Variants in TMED3 observed in about 807,000 individuals in gnomAD.
The protein encoded by TMED3 is transmembrane p24 trafficking protein 3.
TMED3 carries 9 observed loss-of-function variants against 15.0 expected under a neutral mutation model. That is an observed-to-expected ratio of 0.60 (90% CI 0.36 to 1.04). The LOEUF (loss-of-function observed/expected upper bound fraction) is 1.04, where lower values mean the gene tolerates loss of function less well. Ranked by LOEUF, TMED3 falls within the 50% of genes least tolerant of loss-of-function variation. The pLI is 0.01. For synonymous variants in TMED3, 117 were observed against 121.4 expected, an observed-to-expected ratio of 0.96 and a Z score of 0.24; for missense variants, 267 against 278.9, an observed-to-expected ratio of 0.96 and a Z score of 0.30.
intron 2 of TMED3, among the ~76,000 whole-genome samples, chr15:79,394,080 A>G (rs1893733046): frequency 6.6e-6 from 1 of 152,128 alleles, no homozygotes; most frequent in South Asian, 2.1e-4. Context: ...AATTCACACC[A>G]AAATGTATAT....
At chr15:79,410,143 G>A (rs1017204081) in intron 2 of TMED3, among the ~76,000 whole-genome samples, 5 of 152,052 alleles carry the variant, frequency 3.3e-5, no homozygotes, top group Non-Finnish European at 7.4e-5. Context: ...GGCCTGGGAG[G>A]TTTATATATT....
intron 1 of TMED3, 71 bp downstream of exon 1, chr15:79,311,488 C>T: frequency 6.6e-7 from 1 of 1,505,044 alleles, no homozygotes; most frequent in Non-Finnish European, 8.9e-7. Context: ...CTGGCTAGCC[C>T]CTGACTGGAG....
chr15:79,315,024 C>T (rs994030257), intron 2 of TMED3, among the ~76,000 whole-genome samples: 17 of 152,176 alleles, frequency 1.1e-4, no homozygotes, highest in Non-Finnish European at 2.4e-4. Flanking sequence ...GAATAACCAT[C>T]GATAGCAGCA....
chr15:79,322,873 A>G (rs1038810349), downstream of TMED3: 5 of 985,376 alleles, frequency 5.1e-6, no homozygotes, highest in African/African-American at 8.7e-5. Flanking sequence ...CTTTGCCCTA[A>G]AGGACTCCAG....
At chr15:79,346,850 C>T (rs1159887468) in intron 2 of TMED3, among the ~76,000 whole-genome samples, 1 of 152,040 alleles carries the variant, frequency 6.6e-6, no homozygotes, top group African/African-American at 2.4e-5. Context: ...TTACTTGAAA[C>T]ATCATCAATA....
intron 2 of TMED3, among the ~76,000 whole-genome samples, chr15:79,341,595 A>G (rs1476381560): frequency 2.0e-5 from 3 of 152,218 alleles, no homozygotes; most frequent in Admixed American, 1.3e-4. Flanking sequence ...GTTGCTGAAC[A>G]GCTGCCAAGC....
At chr15:79,391,636 G>C (rs1595909357) in intron 2 of TMED3, among the ~76,000 whole-genome samples, 1 of 152,088 alleles carries the variant, frequency 6.6e-6, no homozygotes, top group South Asian at 2.1e-4. Context: ...TTGACTTTCT[G>C]TCTCGATGAC....
At chr15:79,401,962 G>A (rs1391739088) in intron 2 of TMED3, among the ~76,000 whole-genome samples, 1 of 152,280 alleles carries the variant, frequency 6.6e-6, no homozygotes, top group East Asian at 1.9e-4. Context: ...TGGCAAAGGA[G>A]CAGTGATGGA....
chr15:79,338,556 A>G (rs1266932047), intron 2 of TMED3, among the ~76,000 whole-genome samples: 1 of 152,232 alleles, frequency 6.6e-6, no homozygotes, highest in Non-Finnish European at 1.5e-5. Context: ...AGTAAAATAT[A>G]AAATAAGAAT....
At chr15:79,331,567 A>G (rs2058809245) in intron 2 of TMED3, among the ~76,000 whole-genome samples, 1 of 150,982 alleles carries the variant, frequency 6.6e-6, no homozygotes, top group South Asian at 2.1e-4. Flanking sequence ...AAAAAGGATA[A>G]TATCAAACTA....
intron 2 of TMED3, among the ~76,000 whole-genome samples, chr15:79,397,979 T>C (rs1341721611): frequency 6.6e-6 from 1 of 152,242 alleles, no homozygotes; most frequent in African/African-American, 2.4e-5. Flanking sequence ...GAATGTACAT[T>C]AATACATCAT....
intron 2 of TMED3, among the ~76,000 whole-genome samples, chr15:79,351,131 A>G (rs2058889682): frequency 6.6e-6 from 1 of 152,224 alleles, no homozygotes; most frequent in African/African-American, 2.4e-5. Context: ...ATTCTTTAAT[A>G]GTTGCCATCA....
At chr15:79,330,942 T>C (rs1039181337) in intron 2 of TMED3, among the ~76,000 whole-genome samples, 26 of 152,202 alleles carry the variant, frequency 1.7e-4, no homozygotes, top group African/African-American at 5.3e-4. Context: ...TACTTGGTAA[T>C]TCATAAGAAA....
chr15:79,338,889 T>C (rs939129918), intron 2 of TMED3, among the ~76,000 whole-genome samples: 1 of 152,034 alleles, frequency 6.6e-6, no homozygotes, highest in Non-Finnish European at 1.5e-5. Context: ...AAACACCCAC[T>C]ACTAAGCAGA....
intron 2 of TMED3, among the ~76,000 whole-genome samples, chr15:79,397,802 T>G (rs1368301260): frequency 6.6e-6 from 1 of 152,190 alleles, no homozygotes; most frequent in African/African-American, 2.4e-5. Context: ...TGTACCAGAA[T>G]TCAGGGTATA....
At chr15:79,372,014 T>C (rs1893348670) in intron 2 of TMED3, among the ~76,000 whole-genome samples, 1 of 152,216 alleles carries the variant, frequency 6.6e-6, no homozygotes, top group South Asian at 2.1e-4. Context: ...ATCAACTAAA[T>C]TCTTCTCATA....
chr15:79,323,455 ATTTC>A (rs535588574), downstream of TMED3, among the ~76,000 whole-genome samples: 258 of 152,332 alleles, frequency 1.7e-3, no homozygotes, highest in South Asian at 0.012. Flanking sequence ...TGTTTTTGCT[ATTTC>A]TTTTCTCTTA....
At chr15:79,351,174 A>G (rs2058889854) in intron 2 of TMED3, among the ~76,000 whole-genome samples, 1 of 152,174 alleles carries the variant, frequency 6.6e-6, no homozygotes, top group Non-Finnish European at 1.5e-5. Flanking sequence ...TTTAAGTCAA[A>G]ATAACTTGAC....
rs187901713 is a variant in TMED3 at position 79,409,187 on chromosome 15, C to T, written c.418-2213C>T. Among the ~76,000 whole-genome samples, 441 of 152,350 alleles carry T rather than the reference C, an allele frequency of 2.9e-3. 1 individual carries two copies. The highest frequency in any genetic ancestry group is 9.9e-3 in the African/African-American group (411 of 41,580). On this transcript the variant is annotated intron_variant, in intron 2 of 2. Coordinates refer to the TMED3 transcript ENST00000424155. ...CCTATAAGGACAGGTCGAGGAGTTA[C>T]AGTCTGCAAGTGCAGAGAGAGACTT...
Sources: allele counts gnomAD v4.1 joint callset (sites outside exome capture counted in the v4.1 genomes callset), GRCh38; gene constraint gnomAD v4.1.1; transcripts MANE v1.5; gene names NCBI Gene and HGNC (gene_info 2026-07-23, HGNC 2026-07-21).